GALNT15: variants seen among roughly 807,000 people sequenced by gnomAD.
GALNT15 encodes the protein UDP-GalNAc transferase T15.
A neutral mutation model predicts 66.8 loss-of-function variants in GALNT15; 67 were observed. The observed-to-expected ratio is 1.00, with a 90% CI of 0.82 to 1.23. The LOEUF is 1.23. Among genes scored for constraint, GALNT15 ranks in the 50% most tolerant of loss-of-function variants. The pLI is 0.00. For missense variants in GALNT15, 827 were observed against 804.3 expected (o/e 1.03, Z -0.34); for synonymous variants, 313 against 311.5 (o/e 1.00, Z -0.05).
rs1266583192 is a variant in GALNT15 at position 16,204,624 on chromosome 3, C to T, written c.911+3801C>T. Among the ~76,000 whole-genome samples, 1 of 152,106 alleles carries T rather than the reference C, an allele frequency of 6.6e-6. No homozygotes were observed. Among genetic ancestry groups the T allele is most frequent in the Admixed American group, 6.5e-5 (1 of 15,280 alleles). ...CCCAAGCCAAGCAGTGGAAGCCATA[C>T]CCCTGGAAGGATGAAGGTTTCTAAG... On this transcript the variant is annotated intron_variant, in intron 3 of 9. Transcript: ENST00000339732. The surrounding 1 kb of genome is among the most constrained non-coding windows in gnomAD (Gnocchi z 4.5).
At chr3:16,242,006 G>A in the GALNT15 span, among the ~76,000 whole-genome samples, 1 of 152,166 alleles carries the variant, frequency 6.6e-6, no homozygotes, top group African/African-American at 2.4e-5. The surrounding 1 kb of genome is among the most constrained non-coding windows in gnomAD (Gnocchi z 5.6). Flanking sequence ...GCTGGACTCA[G>A]CTGGGCCCTC....
At position 16,187,670 on chromosome 3, in the gene GALNT15, G is replaced by A. The variant is rs531575479; in HGVS notation, c.540-8090G>A. Among the ~76,000 whole-genome samples the A allele has an allele frequency of 2.4e-4, 37 of 152,290 alleles. No homozygotes were observed. Among genetic ancestry groups the A allele is most frequent in the African/African-American group, 8.4e-4 (35 of 41,554 alleles). On this transcript the variant is annotated intron_variant, in intron 1 of 9. Coordinates refer to ENST00000339732, the MANE Select transcript of GALNT15 (RefSeq NM_054110.5). This position sits in a 1 kb window ranked among gnomAD's most constrained non-coding sequence, Gnocchi z 5.1. ...GAAGAAATAGATTCCATTTCTTGATGCAAGGAGTGGCTGACTCACATTATA... is the reference window on the plus strand; with the variant it reads ...GAAGAAATAGATTCCATTTCTTGATACAAGGAGTGGCTGACTCACATTATA...
At chr3:16,233,094 CTT>C (rs61516679), downstream of GALNT15, among the ~76,000 whole-genome samples, 947 of 61,172 alleles carry the variant, frequency 0.015, 117 homozygotes, top group East Asian at 0.22. Context: ...GATAATGCAT[CTT>C]TTTTTTTTTT....
In GALNT15 at chr3:16,187,263, C is replaced by CAA. The variant is rs79352527; in HGVS notation, c.540-8488_540-8487dup. Among the ~76,000 whole-genome samples, 5 of 149,784 alleles carry CAA rather than the reference C, an allele frequency of 3.3e-5. No individual in the cohort carries two copies. In the South Asian group the frequency reaches 6.3e-4, roughly 19 times the overall value. On this transcript the variant is annotated intron_variant, in intron 1 of 9. Coordinates refer to ENST00000339732, the MANE Select transcript of GALNT15 (RefSeq NM_054110.5). This position sits in a 1 kb window ranked among gnomAD's most constrained non-coding sequence, Gnocchi z 5.1. ...TGGGTGACAGAACAAGACTCCATCT[C>CAA]AAAAAAAAAATTAGTGATTTCAAAC...
chr3:16,208,376 T>C, intron 3 of GALNT15, 127 bp from the exon 4 acceptor site: 1 of 787,230 alleles, frequency 1.3e-6, no homozygotes, highest in South Asian at 2.3e-5. Context: ...CACACCTGAT[T>C]TGGATAAACC....
At position 16,180,200 on chromosome 3, in the gene GALNT15, T is replaced by C. The variant is rs1192465505; in HGVS notation, c.539+4510T>C. 6.6e-6 allele frequency among the ~76,000 whole-genome samples: 1 copy of C among 152,256 alleles called. No homozygotes were observed. The highest frequency in any genetic ancestry group is 1.5e-5 in the Non-Finnish European group (1 of 68,034). On this transcript the variant is annotated intron_variant, in intron 1 of 9. Coordinates refer to ENST00000339732, the MANE Select transcript of GALNT15 (RefSeq NM_054110.5). This position sits in a 1 kb window ranked among gnomAD's most constrained non-coding sequence, Gnocchi z 5.0. Reference sequence around the variant, plus strand: ...CAACATTTGCATTTCTGCAAACTCCTGGTACTGCTGCTGCTGCTGCTCCCA... The same window carrying C: ...CAACATTTGCATTTCTGCAAACTCCCGGTACTGCTGCTGCTGCTGCTCCCA...
chr3:16,237,942 C>T, the GALNT15 span, among the ~76,000 whole-genome samples: 1 of 152,236 alleles, frequency 6.6e-6, no homozygotes, highest in Non-Finnish European at 1.5e-5. This position sits in a 1 kb window ranked among gnomAD's most constrained non-coding sequence, Gnocchi z 4.2. Context: ...GCTACCTCCT[C>T]ACCTAATCTC....
rs771624978 is a variant in GALNT15 at position 16,195,916 on chromosome 3, C to T, written c.696C>T (p.Leu232=). ...FLKEIILVDD[L]SQQGQLKSAL... ...AGGAGATCATCCTCGTGGACGACCT[C>T]AGCCAGCAAGGTAGCCACGGCTTTC... Residue 232 remains leucine, a synonymous_variant, in exon 2 of 10, where the codon CTC becomes CTT. Coordinates refer to ENST00000339732, the MANE Select transcript of GALNT15 (RefSeq NM_054110.5). This position sits in a 1 kb window ranked among gnomAD's most constrained non-coding sequence, Gnocchi z 4.6. The T allele has an allele frequency of 5.0e-6, 8 of 1,614,008 alleles. No homozygotes were observed. The highest frequency in any genetic ancestry group is 2.7e-5 in the African/African-American group (2 of 74,944).
Position 16,188,680 on chromosome 3 carries a change from T to C in GALNT15, c.540-7080T>C, listed in dbSNP as rs1333467115. On this transcript the variant is annotated intron_variant, in intron 1 of 9. Transcript: ENST00000339732. This position sits in a 1 kb window ranked among gnomAD's most constrained non-coding sequence, Gnocchi z 4.6. The stretch of plus-strand genomic sequence containing the variant: ...CTTTGTTGGCTGGACCTTAGCCAGC[T>C]TCCTAGGTTTCCAGTGGCTTCTCTG... Among the ~76,000 whole-genome samples, 1 of 152,130 alleles carries C rather than the reference T, an allele frequency of 6.6e-6. No individual in the cohort carries two copies. Among genetic ancestry groups the C allele is most frequent in the African/African-American group, 2.4e-5 (1 of 41,410 alleles).
At position 16,209,934 on chromosome 3, in the gene GALNT15, G is replaced by A. The variant is rs1393678873; in HGVS notation, c.1080-1190G>A. ...CTTACTGCTTACTGTGAAAATATGT[G>A]TGTTTCATCAAAGAAATATTAGTAT... On this transcript the variant is annotated intron_variant, in intron 4 of 9. Transcript: ENST00000339732. The surrounding 1 kb of genome is among the most constrained non-coding windows in gnomAD (Gnocchi z 4.1). 2.0e-5 allele frequency among the ~76,000 whole-genome samples: 3 copies of A among 152,216 alleles called. No individual in the cohort carries two copies. Among genetic ancestry groups the A allele is most frequent in the African/African-American group, 7.2e-5 (3 of 41,452 alleles).
rs181839263 is a variant in GALNT15, at chr3:16,204,747, C to T, written c.912-3756C>T. 5.8e-4 allele frequency among the ~76,000 whole-genome samples: 88 copies of T among 152,096 alleles called. No homozygotes were observed. The highest frequency in any genetic ancestry group is 3.4e-3 in the Middle Eastern group (1 of 294). The stretch of plus-strand genomic sequence containing the variant: ...TGAAAATGGGTCTGGTCCCTATCTG[C>T]GAGACATCCGGTCCTTCAGGATCAG... On this transcript the variant is annotated intron_variant, in intron 3 of 9. Transcript: ENST00000339732. This position sits in a 1 kb window ranked among gnomAD's most constrained non-coding sequence, Gnocchi z 4.5.
Position 16,204,844 on chromosome 3 carries a change from T to G in GALNT15, c.912-3659T>G, listed in dbSNP as rs954469628. Among the ~76,000 whole-genome samples the G allele has an allele frequency of 6.6e-6, 1 of 151,620 alleles. No individual in the cohort carries two copies. Among genetic ancestry groups the G allele is most frequent in the Non-Finnish European group, 1.5e-5 (1 of 68,012 alleles). On this transcript the variant is annotated intron_variant, in intron 3 of 9. Coordinates refer to ENST00000339732, the MANE Select transcript of GALNT15 (RefSeq NM_054110.5). This position sits in a 1 kb window ranked among gnomAD's most constrained non-coding sequence, Gnocchi z 4.5. ...CCTCCCACTCTGCCCTTTGAAGGGTTAAATGATGGAAAGCAGTGTAAGAAC... is the reference window on the plus strand; with the variant it reads ...CCTCCCACTCTGCCCTTTGAAGGGTGAAATGATGGAAAGCAGTGTAAGAAC...
chr3:16,220,662 T>C (rs1392413564), intron 8 of GALNT15, among the ~76,000 whole-genome samples: 1 of 152,214 alleles, frequency 6.6e-6, no homozygotes, highest in African/African-American at 2.4e-5. Flanking sequence ...TTTTAAGTTA[T>C]CACATCCCAA....
intron 1 of GALNT15, among the ~76,000 whole-genome samples, chr3:16,194,227 GT>G (rs2063608969): frequency 6.6e-6 from 1 of 152,202 alleles, no homozygotes; most frequent in South Asian, 2.1e-4. Flanking sequence ...TGAATGTGCA[GT>G]GATATATTAA....
rs1252082136 is a variant in GALNT15, at chr3:16,224,488, T to C, written c.1773+1730T>C. On this transcript the variant is annotated intron_variant, in intron 9 of 9. Transcript: ENST00000339732. This position sits in a 1 kb window ranked among gnomAD's most constrained non-coding sequence, Gnocchi z 5.2. ...TTAATAGAAACAGAAAGTAAAATAG[T>C]GGTTACCAGAGGCAGGCAGAGGAGG... is the stretch of plus-strand genomic sequence containing the variant. 6.6e-6 allele frequency among the ~76,000 whole-genome samples: 1 copy of C among 152,056 alleles called. No individual in the cohort carries two copies. Among genetic ancestry groups the C allele is most frequent in the East Asian group, 1.9e-4 (1 of 5,198 alleles).
At chr3:16,223,393 C>T (rs2063969264) in intron 9 of GALNT15, among the ~76,000 whole-genome samples, 1 of 152,104 alleles carries the variant, frequency 6.6e-6, no homozygotes, top group Non-Finnish European at 1.5e-5. Flanking sequence ...ACACTGTGTC[C>T]ATACACAGCT....
At chr3:16,212,423 G>A (rs1187626485) in intron 5 of GALNT15, 146 bp from the exon 6 acceptor site, 7 of 735,126 alleles carry the variant, frequency 9.5e-6, no homozygotes, top group Admixed American at 5.8e-5. Flanking sequence ...GAAACTCTAC[G>A]CCACCCTGAG....
Position 16,227,466 on chromosome 3 carries a change from G to A in GALNT15, c.1886G>A (p.Arg629His), listed in dbSNP as rs756197962. 1.1e-5 allele frequency: 17 copies of A among 1,614,022 alleles called. No individual in the cohort carries two copies. Among genetic ancestry groups the A allele is most frequent in the Middle Eastern group, 3.3e-4 (2 of 6,084 alleles). The change falls in exon 10 of 10, where the codon CGT (arginine) becomes CAT (histidine). Residue 629 changes from arginine to histidine, a missense_variant. Physicochemically the swap from Arg to His is conservative, Grantham distance 29. Transcript: ENST00000339732. The surrounding 1 kb of genome is among the most constrained non-coding windows in gnomAD (Gnocchi z 4.5). ...GATGGAAAAGCCCGCCAGCAGTGGC[G>A]TTTTGACCAGATCAATGCTGTGGAT... ...PCDGKARQQW[R>H]FDQINAVDER
intron 6 of GALNT15, among the ~76,000 whole-genome samples, chr3:16,217,912 G>C (rs938038229): frequency 1.3e-5 from 2 of 152,174 alleles, no homozygotes; most frequent in Non-Finnish European, 2.9e-5. Flanking sequence ...AGAGGAAAAA[G>C]TAATAGATCC....
Sources: gnomAD v4.1 joint callset for allele counts (sites outside exome capture counted in the v4.1 genomes callset) on GRCh38, gnomAD v4.1.1 for gene constraint, Gnocchi (gnomAD v3.1) non-coding constraint, MANE v1.5 for transcripts, NCBI Gene and HGNC (gene_info 2026-07-23, HGNC 2026-07-21) for gene names.